The following LPA variants were observed in gnomAD, a reference collection of about 807,000 sequenced individuals.
LPA encodes the protein lipoprotein(a).
In LPA, 199 loss-of-function variants were observed where a neutral mutation model predicts 197.9. That is an observed-to-expected ratio of 1.01 (90% CI 0.90 to 1.13). The LOEUF is 1.13. LPA is among the 50% of genes most tolerant of loss of function. LPA has a pLI of 0.00. For synonymous variants in LPA, 715 were observed against 639.5 expected, an observed-to-expected ratio of 1.12 and a Z score of -1.78; for missense variants, 1,853 against 1,785.8, an observed-to-expected ratio of 1.04 and a Z score of -0.68.
At chr6:160,604,621 T>C (rs1562340793) in intron 18 of LPA, among the ~76,000 whole-genome samples, 1 of 152,132 alleles carries the variant, frequency 6.6e-6, no homozygotes, top group Non-Finnish European at 1.5e-5. Context: ...TAGATTTGCC[T>C]CTCCATAGAT....
intron 8 of LPA, among the ~76,000 whole-genome samples, chr6:160,631,692 GT>G (rs1229456066): frequency 3.4e-5 from 5 of 146,710 alleles, no homozygotes; most frequent in African/African-American, 5.0e-5. Context: ...TACAGGTTGG[GT>G]TTTTTTTCCG....
At chr6:160,581,101 A>T (rs1238089374) in intron 26 of LPA, among the ~76,000 whole-genome samples, 1 of 152,130 alleles carries the variant, frequency 6.6e-6, no homozygotes, top group Admixed American at 6.6e-5. Context: ...TGAGTCATAC[A>T]GTAGGATTCA....
intron 2 of LPA, among the ~76,000 whole-genome samples, chr6:160,647,499 A>G (rs1302980952): frequency 6.6e-6 from 1 of 152,168 alleles, no homozygotes; most frequent in African/African-American, 2.4e-5. Context: ...CCATTCCAGG[A>G]AGCTCATTCA....
intron 30 of LPA, among the ~76,000 whole-genome samples, chr6:160,553,670 C>A (rs1778202270): frequency 6.6e-6 from 1 of 151,998 alleles, no homozygotes; most frequent in South Asian, 2.1e-4. Context: ...TATAATGTAC[C>A]CAAGTAAATC....
In LPA at chr6:160,578,756, G is replaced by A. The variant is rs540694904; in HGVS notation, c.4290-52C>T. 1.1e-5 allele frequency: 17 copies of A among 1,612,578 alleles called. No homozygotes were observed. In the East Asian group the frequency reaches 2.2e-4, roughly 21 times the overall value. On this transcript the variant is annotated intron_variant, in intron 26 of 38. Transcript: ENST00000316300. ...ACCAGAGATGGGAGAATATTCAAGG[G>A]CACTTAGCGCCCTCTACATTTTGCT...
chr6:160,607,857 T>A (rs1360701615), intron 16 of LPA, among the ~76,000 whole-genome samples: 1 of 152,154 alleles, frequency 6.6e-6, no homozygotes. Context: ...ATTCTTATTA[T>A]ACAATATACC....
intron 28 of LPA, among the ~76,000 whole-genome samples, chr6:160,559,614 A>G (rs753949934): frequency 6.6e-6 from 1 of 152,190 alleles, no homozygotes; most frequent in Non-Finnish European, 1.5e-5. Context: ...AATTCGTTTT[A>G]TCATTTTGAT....
chr6:160,593,677 G>A (rs576043503), intron 22 of LPA, among the ~76,000 whole-genome samples: 2 of 152,270 alleles, frequency 1.3e-5, no homozygotes, highest in African/African-American at 4.8e-5. Flanking sequence ...TTGTGGAATG[G>A]TGCTATTTCT....
At chr6:160,595,196 C>T (rs1779106531) in intron 21 of LPA, among the ~76,000 whole-genome samples, 158 bp downstream of exon 21, 1 of 152,110 alleles carries the variant, frequency 6.6e-6, no homozygotes, top group Non-Finnish European at 1.5e-5. Flanking sequence ...TCTGGTTCTC[C>T]CAGAGAAGGC....
At position 160,611,555 on chromosome 6, in the gene LPA, G is replaced by C; in HGVS notation, c.2603+7C>G. 6.2e-7 allele frequency: 1 copy of C among 1,606,726 alleles called. No homozygotes were observed. Among genetic ancestry groups the C allele is most frequent in the Non-Finnish European group, 8.5e-7 (1 of 1,178,992 alleles). ...TTATTCTCTTATGGTAAAGAACAAA[G>C]ACATACGCATTTGGGTAGTATTCTG... On this transcript the variant is annotated splice_region_variant and intron_variant, in intron 16 of 38. Coordinates refer to ENST00000316300, the MANE Select transcript of LPA (RefSeq NM_005577.4).
intron 28 of LPA, among the ~76,000 whole-genome samples, chr6:160,574,167 G>A (rs9457943): frequency 0.41 from 61,927 of 151,764 alleles, 13,450 homozygotes; most frequent in African/African-American, 0.57. Context: ...CTGAGTTGTC[G>A]GGGAAGTGGA....
chr6:160,537,404 C>T (rs1035954193), intron 37 of LPA, among the ~76,000 whole-genome samples: 5 of 152,164 alleles, frequency 3.3e-5, no homozygotes, highest in African/African-American at 1.2e-4. Flanking sequence ...AGTTTAATTA[C>T]AACTTTTGTC....
At chr6:160,569,384 G>T (rs536832873) in intron 28 of LPA, among the ~76,000 whole-genome samples, 1 of 151,922 alleles carries the variant, frequency 6.6e-6, no homozygotes, top group Non-Finnish European at 1.5e-5. Flanking sequence ...AATAGGGAAA[G>T]GTTTCCCTAT....
At position 160,601,008 on chromosome 6, in the gene LPA, G is replaced by T. The variant is rs1051416677; in HGVS notation, c.3036C>A (p.Cys1012Ter). The change falls in exon 19 of 39, where the codon TGC (cysteine) becomes TGA (stop). Residue 1012 changes from cysteine to a stop codon, truncating the protein, a stop_gained. Transcript: ENST00000316300. LOFTEE classifies it high-confidence loss of function. Reference sequence around the variant, plus strand: ...CTGCATCTGAGCATCGTGTCAGGTTGCAGTACTCCCACCTGACACTGGGAT... The same window carrying T: ...CTGCATCTGAGCATCGTGTCAGGTTTCAGTACTCCCACCTGACACTGGGAT... ...TTDPSVRWEY[C>*]NLTRCSDAEW... The T allele has an allele frequency of 2.5e-6, 4 of 1,613,886 alleles. No homozygotes were observed. Among genetic ancestry groups the T allele is most frequent in the Non-Finnish European group, 3.4e-6 (4 of 1,179,912 alleles).
chr6:160,537,635 A>G, intron 37 of LPA, among the ~76,000 whole-genome samples: 1 of 152,208 alleles, frequency 6.6e-6, no homozygotes, highest in East Asian at 1.9e-4. Context: ...AGATTCTGAA[A>G]ACAAAAAAGA....
Position 160,540,186 on chromosome 6 carries a change from A to G in LPA, c.5595-3T>C, listed in dbSNP as rs910980065. On this transcript the variant is annotated splice_region_variant and splice_polypyrimidine_tract_variant and intron_variant, in intron 35 of 38. Coordinates refer to ENST00000316300, the MANE Select transcript of LPA (RefSeq NM_005577.4). ...TGTAGGATGAAGGCCTTGAGGACCTAGAAAAGATGAGGATGTCAAGAGAAA... is the reference window on the plus strand; with the variant it reads ...TGTAGGATGAAGGCCTTGAGGACCTGGAAAAGATGAGGATGTCAAGAGAAA... 6 of 1,614,210 alleles carry G rather than the reference A, an allele frequency of 3.7e-6. No homozygotes were observed. The highest frequency in any genetic ancestry group is 5.1e-6 in the Non-Finnish European group (6 of 1,180,038).
chr6:160,611,410 C>G (rs1047314514), intron 16 of LPA, 152 bp downstream of exon 16: 1 of 1,471,512 alleles, frequency 6.8e-7, no homozygotes. Flanking sequence ...TCTCTCAGAC[C>G]CTTAGCTCCA....
chr6:160,659,565 G>T (rs548536742), intron 1 of LPA, among the ~76,000 whole-genome samples: 12 of 152,344 alleles, frequency 7.9e-5, no homozygotes, highest in Admixed American at 5.2e-4. Context: ...TGTGCTGGAG[G>T]TGTCAGGGAA....
At chr6:160,609,273 G>T (rs955526785) in intron 16 of LPA, among the ~76,000 whole-genome samples, 2 of 151,974 alleles carry the variant, frequency 1.3e-5, no homozygotes, top group African/African-American at 4.8e-5. Flanking sequence ...CAACATGGAT[G>T]ATCTTCAAGG....
Sources: allele counts gnomAD v4.1 joint callset (sites outside exome capture counted in the v4.1 genomes callset), GRCh38; gene constraint gnomAD v4.1.1; transcripts MANE v1.5; gene names NCBI Gene and HGNC (gene_info 2026-07-23, HGNC 2026-07-21).